ATXN2: variants seen among roughly 807,000 people sequenced by gnomAD.
ATXN2 encodes ataxin 2.
In ATXN2, 37 loss-of-function variants were observed where a neutral mutation model predicts 138.6. That is an observed-to-expected ratio of 0.27 (90% CI 0.21 to 0.35). ATXN2 has a LOEUF of 0.35. Ranked by LOEUF, ATXN2 falls within the 10% of genes least tolerant of loss-of-function variation. The pLI, the probability that ATXN2 is intolerant of heterozygous loss-of-function variation, is 1.00. For missense variants in ATXN2, 1,216 were observed against 1,480.3 expected (o/e 0.82, Z 2.93); for synonymous variants, 549 against 543.7 (o/e 1.01, Z -0.13).
intron 5 of ATXN2, among the ~76,000 whole-genome samples, chr12:111,540,298 T>C (rs1306230201): frequency 6.6e-6 from 1 of 150,614 alleles, no homozygotes; most frequent in Non-Finnish European, 1.5e-5. Context: ...TACACAACCC[T>C]ATCAGTAAAC....
intron 1 of ATXN2, among the ~76,000 whole-genome samples, chr12:111,562,491 T>A (rs1038930379): frequency 2.0e-5 from 3 of 151,736 alleles, no homozygotes; most frequent in Non-Finnish European, 4.4e-5. Flanking sequence ...GAGGCTGAGG[T>A]GGGTGGATCA....
chr12:111,578,124 A>G (rs1027209517), intron 1 of ATXN2, among the ~76,000 whole-genome samples: 2 of 152,030 alleles, frequency 1.3e-5, no homozygotes, highest in Non-Finnish European at 2.9e-5. Context: ...TTGAACCCAG[A>G]AGGCAGAGAC....
chr12:111,591,366 A>G (rs187614163), intron 1 of ATXN2, among the ~76,000 whole-genome samples: 7 of 152,168 alleles, frequency 4.6e-5, no homozygotes, highest in Admixed American at 3.9e-4. Flanking sequence ...CTTAAAATTT[A>G]AAAATAAAAA....
chr12:111,501,751 T>A (rs1042303469), intron 14 of ATXN2, among the ~76,000 whole-genome samples: 17 of 152,224 alleles, frequency 1.1e-4, no homozygotes, highest in African/African-American at 3.9e-4. Flanking sequence ...GCGATCCACA[T>A]AACAGACCAA....
intron 6 of ATXN2, among the ~76,000 whole-genome samples, chr12:111,522,080 C>T (rs1214706171): frequency 6.6e-6 from 1 of 152,148 alleles, no homozygotes; most frequent in Non-Finnish European, 1.5e-5. Flanking sequence ...CGAAGTTCAC[C>T]TATTAACCTT....
chr12:111,575,897 G>A (rs1412331558), intron 1 of ATXN2, among the ~76,000 whole-genome samples: 1 of 151,910 alleles, frequency 6.6e-6, no homozygotes, highest in Non-Finnish European at 1.5e-5. Context: ...GCCTGGCCAA[G>A]ATGGTGAAAC....
At chr12:111,462,961 T>C (rs1418350601) in intron 21 of ATXN2, among the ~76,000 whole-genome samples, 13 of 123,774 alleles carry the variant, frequency 1.1e-4, no homozygotes, top group Admixed American at 4.5e-4. Flanking sequence ...TATACACACA[T>C]ACATATATAT....
chr12:111,582,728 G>T (rs1261735881), intron 1 of ATXN2, among the ~76,000 whole-genome samples: 2 of 152,188 alleles, frequency 1.3e-5, no homozygotes, highest in African/African-American at 4.8e-5. Flanking sequence ...GAGTGCAGTG[G>T]CACCATCTCC....
At chr12:111,533,780 GCCTC>G (rs1686368317) in intron 5 of ATXN2, among the ~76,000 whole-genome samples, 1 of 152,132 alleles carries the variant, frequency 6.6e-6, no homozygotes, top group African/African-American at 2.4e-5. Context: ...ATCTGCCTCA[GCCTC>G]CCTAAGTGCT....
chr12:111,468,141 A>G (rs1372272976), intron 20 of ATXN2, among the ~76,000 whole-genome samples: 1 of 152,276 alleles, frequency 6.6e-6, no homozygotes, highest in Non-Finnish European at 1.5e-5. Context: ...CTAAGCCTTT[A>G]GCAAACAGGA....
At chr12:111,489,385 C>T (rs944345276) in intron 14 of ATXN2, among the ~76,000 whole-genome samples, 1 of 152,148 alleles carries the variant, frequency 6.6e-6, no homozygotes, top group Non-Finnish European at 1.5e-5. Context: ...GAGGCCAAGG[C>T]AGGCGGATCA....
chr12:111,499,005 A>AT (rs1372496141), intron 14 of ATXN2, among the ~76,000 whole-genome samples: 2 of 152,218 alleles, frequency 1.3e-5, no homozygotes, highest in Non-Finnish European at 2.9e-5. Flanking sequence ...ATGCAGAAGA[A>AT]TGAAACCAGA....
Position 111,453,972 on chromosome 12 carries a change from G to A in ATXN2, c.3271-127C>T. On this transcript the variant is annotated intron_variant, in intron 23 of 24. Transcript: ENST00000673436. The surrounding 1 kb of genome is among the most constrained non-coding windows in gnomAD (Gnocchi z 5.4). ...ACGGTGGGCCTCAGGGCCCAGTTCT[G>A]TTCTCTGGGGACAATCTCTAGTAGA... is the stretch of plus-strand genomic sequence containing the variant. The A allele has an allele frequency of 1.1e-6, 1 of 873,646 alleles. No individual in the cohort carries two copies. Among genetic ancestry groups the A allele is most frequent in the Admixed American group, 3.0e-5 (1 of 33,578 alleles). 54.1% of individuals were successfully genotyped at this position (873,646 alleles called of 1,614,324 possible). A position where few individuals can be genotyped will look rare whatever the true frequency, so the allele number is the denominator to read the frequency against.
At chr12:111,500,641 G>A (rs1302384089) in intron 14 of ATXN2, among the ~76,000 whole-genome samples, 1 of 152,234 alleles carries the variant, frequency 6.6e-6, no homozygotes, top group Non-Finnish European at 1.5e-5. Flanking sequence ...TTGGGAGGCT[G>A]TGGCAGCCGG....
In ATXN2 at chr12:111,457,197, C is replaced by T. The variant is rs1349750322; in HGVS notation, c.3042+17G>A. On this transcript the variant is annotated intron_variant, in intron 22 of 24. Coordinates refer to ENST00000673436, the MANE Select transcript of ATXN2 (RefSeq NM_001372574.1). ...GATAAAGAAGCCACTCCATGCAGAC[C>T]TCTGAGTTGCCCTTACCTGAACAGG... 6.2e-7 allele frequency: 1 copy of T among 1,607,200 alleles called. No homozygotes were observed. Among genetic ancestry groups the T allele is most frequent in the Admixed American group, 1.7e-5 (1 of 58,294 alleles).
At chr12:111,522,229 A>T (rs975352926) in intron 6 of ATXN2, among the ~76,000 whole-genome samples, 9 of 53,444 alleles carry the variant, frequency 1.7e-4, no homozygotes, top group East Asian at 0.025. Flanking sequence ...TGCCCTACAT[A>T]AAAAAAAAAA....
rs370550874 is a variant in ATXN2, at chr12:111,547,089, T to C, written c.571+5191A>G. On this transcript the variant is annotated intron_variant, in intron 5 of 24. Coordinates refer to ENST00000673436, the MANE Select transcript of ATXN2 (RefSeq NM_001372574.1). Reference sequence around the variant, plus strand: ...TAAACTTTATTGAAATCAATGATGTTAGCATCAAGAACTTAAAAGTCACAC... The same window carrying C: ...TAAACTTTATTGAAATCAATGATGTCAGCATCAAGAACTTAAAAGTCACAC... Among the ~76,000 whole-genome samples the C allele has an allele frequency of 3.9e-5, 6 of 152,364 alleles. 1 individual carries two copies. In the South Asian group the frequency reaches 1.2e-3, roughly 32 times the overall value.
At chr12:111,483,044 A>G (rs1877359418) in intron 18 of ATXN2, among the ~76,000 whole-genome samples, 1 of 151,744 alleles carries the variant, frequency 6.6e-6, no homozygotes. Context: ...AAAATTAGCT[A>G]GGTGTGGTGG....
At chr12:111,515,522 CAT>C (rs1262431423) in intron 10 of ATXN2, among the ~76,000 whole-genome samples, 4 of 152,126 alleles carry the variant, frequency 2.6e-5, no homozygotes, top group East Asian at 1.9e-4. Context: ...TATTCAAATT[CAT>C]ATGTCGTTTT....
Sources: gnomAD v4.1 joint callset for allele counts (sites outside exome capture counted in the v4.1 genomes callset) on GRCh38, gnomAD v4.1.1 for gene constraint, Gnocchi (gnomAD v3.1) non-coding constraint, MANE v1.5 for transcripts, NCBI Gene and HGNC (gene_info 2026-07-23, HGNC 2026-07-21) for gene names.